AP1M2: variants seen among roughly 807,000 people sequenced by gnomAD.
AP1M2 encodes AP-1 complex subunit mu-2.
AP1M2 carries 41 observed loss-of-function variants against 54.6 expected under a neutral mutation model. That is an observed-to-expected ratio of 0.75 (90% CI 0.59 to 0.97). The LOEUF is 0.97. Among genes scored for constraint, AP1M2 ranks in the 50% least tolerant of loss-of-function variants. AP1M2 has a pLI of 0.00. For synonymous variants in AP1M2, 219 were observed against 215.9 expected (o/e 1.01, Z -0.13); for missense variants, 507 against 561.2 (o/e 0.90, Z 0.98).
intron 3 of AP1M2, among the ~76,000 whole-genome samples, chr19:10,582,084 C>T (rs183910753): frequency 6.6e-6 from 1 of 151,872 alleles, no homozygotes; most frequent in Admixed American, 6.6e-5. Flanking sequence ...CGCACTGTCA[C>T]CCAGGCTGGA....
In AP1M2 at chr19:10,572,704, AGAG is replaced by A. The variant is rs922268124; in HGVS notation, c.*359_*361del. 2 of 241,386 alleles carry A rather than the reference AGAG, an allele frequency of 8.3e-6. No homozygotes were observed. Among genetic ancestry groups the A allele is most frequent in the East Asian group, 1.8e-4 (2 of 10,864 alleles). The allele number at this position is 241,386 out of a possible 1,614,324, so 15.0% of individuals were successfully genotyped here. A position where few individuals can be genotyped will look rare whatever the true frequency, so the allele number is the denominator to read the frequency against. ...TCTTTTTAATGACATCCTAAAATTC[AGAG>A]GAGGGGCCAGCGGGACCTCTGGGCT... is the stretch of plus-strand genomic sequence containing the variant. On this transcript the variant is annotated 3_prime_UTR_variant, in exon 12 of 12. Coordinates refer to ENST00000250244, the MANE Select transcript of AP1M2 (RefSeq NM_005498.5).
At chr19:10,580,970 A>G (rs934392063) in intron 6 of AP1M2, among the ~76,000 whole-genome samples, 10 of 152,134 alleles carry the variant, frequency 6.6e-5, no homozygotes, top group African/African-American at 2.4e-4. Context: ...AAATAAATAA[A>G]TAAGATGCTA....
intron 10 of AP1M2, 131 bp downstream of exon 10, chr19:10,574,773 G>A: frequency 7.9e-7 from 1 of 1,272,026 alleles, no homozygotes; most frequent in Non-Finnish European, 1.1e-6. Context: ...ACATTGCTCT[G>A]GGAAAGACCA....
chr19:10,574,764 C>T, intron 10 of AP1M2, 140 bp downstream of exon 10: 1 of 1,214,372 alleles, frequency 8.2e-7, no homozygotes, highest in South Asian at 1.6e-5. Context: ...ATAAAGGTAA[C>T]ATTGCTCTGG....
chr19:10,586,445 ACT>A (rs552318711), intron 1 of AP1M2, among the ~76,000 whole-genome samples: 2,152 of 139,688 alleles, frequency 0.015, 46 homozygotes, highest in African/African-American at 0.057. Flanking sequence ...ACAGAGCAAG[ACT>A]CTATTTAAAA....
rs1283157740 is a variant in AP1M2 at position 10,583,813 on chromosome 19, G to C, written c.199+101C>G. Reference sequence around the variant, plus strand: ...CCCAGCCTAAGCCACAGAGATGTGCGGTGCAACTCCTGTCCTCAGCCCACC... The same window carrying C: ...CCCAGCCTAAGCCACAGAGATGTGCCGTGCAACTCCTGTCCTCAGCCCACC... On this transcript the variant is annotated intron_variant, in intron 2 of 11. Coordinates refer to ENST00000250244, the MANE Select transcript of AP1M2 (RefSeq NM_005498.5). 2.7e-6 allele frequency: 4 copies of C among 1,493,994 alleles called. No homozygotes were observed. In the Admixed American group the frequency reaches 8.1e-5, roughly 30 times the overall value. The allele number at this position is 1,493,994 out of a possible 1,614,324, so 92.5% of individuals were successfully genotyped here.
rs768759549 is a variant in AP1M2 at position 10,572,930 on chromosome 19, T to C, written c.*136A>G. On this transcript the variant is annotated 3_prime_UTR_variant, in exon 12 of 12. Transcript: ENST00000250244. The stretch of plus-strand genomic sequence containing the variant: ...AAGGAAGAGGTGAGGAAGGGGCGGG[T>C]GCTGGGAGCAAGAAACTGCCAAGTC... 9 of 810,200 alleles carry C rather than the reference T, an allele frequency of 1.1e-5. No homozygotes were observed. Among genetic ancestry groups the C allele is most frequent in the Admixed American group, 2.2e-5 (1 of 44,600 alleles). The allele number at this position is 810,200 out of a possible 1,614,324, so 50.2% of individuals were successfully genotyped here.
Position 10,573,007 on chromosome 19 carries a change from A to C in AP1M2, c.*59T>G. ...ACAGCCCGCACCTGCCCTCCCTCTA[A>C]AATCTGCATCCGGGGCTGTAAGGAA... On this transcript the variant is annotated 3_prime_UTR_variant, in exon 12 of 12. Coordinates refer to ENST00000250244, the MANE Select transcript of AP1M2 (RefSeq NM_005498.5). 1 of 1,535,024 alleles carries C rather than the reference A, an allele frequency of 6.5e-7. No homozygotes were observed. Among genetic ancestry groups the C allele is most frequent in the Non-Finnish European group, 8.8e-7 (1 of 1,131,336 alleles).
intron 11 of AP1M2, among the ~76,000 whole-genome samples, chr19:10,573,823 G>A (rs1249508563): frequency 6.6e-6 from 1 of 151,414 alleles, no homozygotes; most frequent in Non-Finnish European, 1.5e-5. Context: ...ATCACACCTG[G>A]CTAATTTTTA....
chr19:10,584,075 G>T lies in AP1M2; in HGVS notation c.43-5C>A, dbSNP rs1253519280. 1 of 1,607,512 alleles carries T rather than the reference G, an allele frequency of 6.2e-7. No homozygotes were observed. The highest frequency in any genetic ancestry group is 8.5e-7 in the Non-Finnish European group (1 of 1,177,316). Reference sequence around the variant, plus strand: ...GTAGTTGCGGCTGATCAATGGCTGAGGGTGGAAGGAAAGGACCTGGTCACC... The same window carrying T: ...GTAGTTGCGGCTGATCAATGGCTGATGGTGGAAGGAAAGGACCTGGTCACC... On this transcript the variant is annotated splice_polypyrimidine_tract_variant and splice_region_variant and intron_variant, in intron 1 of 11. Coordinates refer to ENST00000250244, the MANE Select transcript of AP1M2 (RefSeq NM_005498.5).
In AP1M2 at chr19:10,577,193, C is replaced by T. The variant is rs775963579; in HGVS notation, c.1047+5G>A. 2.6e-5 allele frequency: 42 copies of T among 1,608,562 alleles called. No individual in the cohort carries two copies. The South Asian group carries it at 4.6e-4, about 17-fold the overall frequency. On this transcript the variant is annotated splice_donor_5th_base_variant and intron_variant, in intron 9 of 11. Coordinates refer to ENST00000250244, the MANE Select transcript of AP1M2 (RefSeq NM_005498.5). Reference sequence around the variant, plus strand: ...CCAGATCCCCCGCCAGTCCCTGGTACTTACCGGGAAAGACTTAATACTCCA... The same window carrying T: ...CCAGATCCCCCGCCAGTCCCTGGTATTTACCGGGAAAGACTTAATACTCCA...
chr19:10,574,171 C>T (rs890216521), intron 11 of AP1M2, among the ~76,000 whole-genome samples: 1 of 152,088 alleles, frequency 6.6e-6, no homozygotes, highest in Non-Finnish European at 1.5e-5. Context: ...AGGCATACAC[C>T]ACCACACCCG....
intron 6 of AP1M2, among the ~76,000 whole-genome samples, chr19:10,580,704 C>G (rs1313364481): frequency 6.6e-6 from 1 of 151,950 alleles, no homozygotes; most frequent in African/African-American, 2.4e-5. Flanking sequence ...GAGCCAGGCA[C>G]AGTAGTTCAC....
Position 10,579,867 on chromosome 19 carries a change from CAGAGTGG to C in AP1M2, c.674-16_674-10del, listed in dbSNP as rs1917376555. 4 of 1,605,166 alleles carry C rather than the reference CAGAGTGG, an allele frequency of 2.5e-6. No individual in the cohort carries two copies. In the Admixed American group the frequency reaches 6.7e-5, roughly 27 times the overall value. On this transcript the variant is annotated splice_polypyrimidine_tract_variant and intron_variant, in intron 6 of 11. Coordinates refer to ENST00000250244, the MANE Select transcript of AP1M2 (RefSeq NM_005498.5). ...TGATTTGTTCTTGCTGCCTGAAACT[CAGAGTGG>C]AGAGTGGAGAGTGACCCTGGGAACC...
intron 6 of AP1M2, among the ~76,000 whole-genome samples, chr19:10,580,116 G>A (rs898428878): frequency 1.4e-4 from 19 of 139,280 alleles, no homozygotes; most frequent in Middle Eastern, 4.4e-3. Flanking sequence ...GCGATGGCAC[G>A]TCTTGGCTCA....
In AP1M2 at chr19:10,574,905, T is replaced by A; in HGVS notation, c.1172A>T (p.Gln391Leu). The stretch of plus-strand genomic sequence containing the variant: ...ATCCTCCCTGCCTGCTTCTCTCACC[T>A]GGATCCCAGAGACGGTGAAGTAGGG... ...EIPYFTVSGI[Q>L]VRYMKIIEKS... The change falls in exon 10 of 12, where the codon CAG (glutamine) becomes CTG (leucine). Residue 391 changes from glutamine (Q) to leucine (L), a missense_variant and splice_region_variant. Coordinates refer to ENST00000250244, the MANE Select transcript of AP1M2 (RefSeq NM_005498.5). 1.2e-6 allele frequency: 2 copies of A among 1,603,174 alleles called. No homozygotes were observed. Among genetic ancestry groups the A allele is most frequent in the Non-Finnish European group, 1.7e-6 (2 of 1,174,402 alleles).
intron 7 of AP1M2, among the ~76,000 whole-genome samples, chr19:10,579,179 G>A (rs1917350889): frequency 1.3e-5 from 2 of 151,998 alleles, no homozygotes; most frequent in African/African-American, 4.8e-5. Context: ...CACTTTGGGA[G>A]GCCAAGGTGG....
chr19:10,584,498 T>C (rs1006814762), intron 1 of AP1M2, among the ~76,000 whole-genome samples: 1 of 152,102 alleles, frequency 6.6e-6, no homozygotes, highest in Non-Finnish European at 1.5e-5. Context: ...GAGGATCACT[T>C]GAACCTGGGA....
In AP1M2 at chr19:10,583,589, G is replaced by T; in HGVS notation, c.267+17C>A. On this transcript the variant is annotated intron_variant, in intron 3 of 11. Coordinates refer to ENST00000250244, the MANE Select transcript of AP1M2 (RefSeq NM_005498.5). ...TAGACGGATAGACCAGTTAGCCAAT[G>T]GGAGGCTAGTACCTACCTCTATTGT... The T allele has an allele frequency of 6.3e-7, 1 of 1,579,362 alleles. No homozygotes were observed.
Sources: gnomAD v4.1 joint callset for allele counts (sites outside exome capture counted in the v4.1 genomes callset) on GRCh38, gnomAD v4.1.1 for gene constraint, MANE v1.5 for transcripts, NCBI Gene and HGNC (gene_info 2026-07-23, HGNC 2026-07-21) for gene names.